Variants in DOCK4 observed in about 807,000 individuals in gnomAD.
DOCK4 encodes dedicator of cytokinesis protein 4.
Under a neutral mutation model 268.1 loss-of-function variants are expected in DOCK4, and 97 were observed. The observed-to-expected ratio is 0.36, with a 90% CI of 0.31 to 0.43. DOCK4 has a LOEUF of 0.43. DOCK4 is among the 20% of genes least tolerant of loss of function. The pLI is 1.00. For missense variants in DOCK4, 2,145 were observed against 2,455.7 expected, an observed-to-expected ratio of 0.87 and a Z score of 2.67; for synonymous variants, 954 against 887.2, an observed-to-expected ratio of 1.08 and a Z score of -1.34.
chr7:111,841,156 T>G (rs778055158), intron 25 of DOCK4, among the ~76,000 whole-genome samples: 45 of 73,344 alleles, frequency 6.1e-4, no homozygotes, highest in African/African-American at 2.0e-3. Context: ...TTCTCTGATT[T>G]ATTTATTTAT....
At chr7:111,952,093 GAA>G (rs201768009) in intron 8 of DOCK4, among the ~76,000 whole-genome samples, 3 of 107,572 alleles carry the variant, frequency 2.8e-5, no homozygotes, top group African/African-American at 3.5e-5. Flanking sequence ...CCCTGTCTGC[GAA>G]AAAAAAAAAA....
chr7:111,901,756 A>T lies in DOCK4; in HGVS notation c.1238T>A (p.Phe413Tyr), dbSNP rs1408188207. ...GGCCACGCTCTTCCCTCCTTTCTCA[A>T]ATTCTCCCCTTTCAATAGTGATATA... ...DLYITIERGEFEKGGKSVARN... is the reference protein window; with the variant it reads ...DLYITIERGEYEKGGKSVARN... Residue 413 changes from phenylalanine (F) to tyrosine (Y), a missense_variant, in exon 14 of 53, where the codon TTT (phenylalanine) becomes TAT (tyrosine). Around this residue, in one of 2 missense-constraint regions of DOCK4, gnomAD observed 1,598 missense variants for 1,986.7 expected, o/e 0.80. Transcript: ENST00000428084. 6 of 1,606,642 alleles carry T rather than the reference A, an allele frequency of 3.7e-6. 1 individual carries two copies. In the Admixed American group the frequency reaches 6.7e-5, roughly 18 times the overall value.
At chr7:111,920,795 C>G in intron 12 of DOCK4, among the ~76,000 whole-genome samples, 1 of 151,320 alleles carries the variant, frequency 6.6e-6, no homozygotes, top group African/African-American at 2.4e-5. Flanking sequence ...CAGAGAGAGA[C>G]AGAAAGAGAG....
chr7:111,944,975 A>G, intron 9 of DOCK4, 104 bp from the exon 10 acceptor site: 1 of 871,994 alleles, frequency 1.1e-6, no homozygotes, highest in Non-Finnish European at 1.9e-6. Context: ...GGACACAGAC[A>G]TTCTTAATGG....
intron 1 of DOCK4, among the ~76,000 whole-genome samples, chr7:112,199,489 G>A (rs1237760816): frequency 6.6e-6 from 1 of 151,988 alleles, no homozygotes; most frequent in African/African-American, 2.4e-5. Context: ...ATGTCATCTT[G>A]GCACAATTTT....
chr7:111,940,107 T>G lies in DOCK4; in HGVS notation c.977+3A>C. On this transcript the variant is annotated splice_donor_region_variant and intron_variant, in intron 11 of 52. Transcript: ENST00000428084. ...CAGCCATCACCACGTGCATGTTTCTTACATGTATACTTTCAGAATGAGGTC... is the reference window on the plus strand; with the variant it reads ...CAGCCATCACCACGTGCATGTTTCTGACATGTATACTTTCAGAATGAGGTC... 6.2e-7 allele frequency: 1 copy of G among 1,613,978 alleles called. No homozygotes were observed. The highest frequency in any genetic ancestry group is 8.5e-7 in the Non-Finnish European group (1 of 1,179,874).
At chr7:111,852,361 C>T (rs1804644762) in intron 23 of DOCK4, among the ~76,000 whole-genome samples, 1 of 152,150 alleles carries the variant, frequency 6.6e-6, no homozygotes, top group East Asian at 1.9e-4. Context: ...AAGGCACAGG[C>T]ATTCTATACA....
At chr7:111,882,289 T>C (rs757284349) in intron 16 of DOCK4, among the ~76,000 whole-genome samples, 4 of 152,128 alleles carry the variant, frequency 2.6e-5, no homozygotes, top group Non-Finnish European at 5.9e-5. Flanking sequence ...ACACAGAATA[T>C]CTGGATGATA....
intron 7 of DOCK4, 65 bp downstream of exon 7, chr7:111,984,241 T>C (rs1798863183): frequency 7.3e-7 from 1 of 1,377,590 alleles, no homozygotes; most frequent in East Asian, 2.4e-5. Context: ...CAAGCAAGTA[T>C]GAGGAGTGCC....
At chr7:112,157,391 G>A (rs949173912) in intron 1 of DOCK4, among the ~76,000 whole-genome samples, 1 of 152,042 alleles carries the variant, frequency 6.6e-6, no homozygotes, top group African/African-American at 2.4e-5. Flanking sequence ...ACCAGCTGTT[G>A]GCTTACTCTC....
chr7:112,121,968 A>T (rs1812771104), intron 1 of DOCK4, among the ~76,000 whole-genome samples: 1 of 152,222 alleles, frequency 6.6e-6, no homozygotes, highest in African/African-American at 2.4e-5. Flanking sequence ...TTCTATAAGT[A>T]TTTGATTTAC....
intron 1 of DOCK4, among the ~76,000 whole-genome samples, chr7:112,183,543 T>C (rs1249967133): frequency 6.6e-6 from 1 of 152,090 alleles, no homozygotes; most frequent in Admixed American, 6.5e-5. Flanking sequence ...TAAACCTGGG[T>C]TTCTCAAAAA....
intron 16 of DOCK4, among the ~76,000 whole-genome samples, chr7:111,882,144 A>G (rs1299456142): frequency 1.3e-5 from 2 of 152,224 alleles, no homozygotes; most frequent in African/African-American, 4.8e-5. Flanking sequence ...CCATGATGTG[A>G]TTATTATGCA....
At chr7:111,805,766 T>C (rs892975972) in intron 30 of DOCK4, among the ~76,000 whole-genome samples, 3 of 152,224 alleles carry the variant, frequency 2.0e-5, no homozygotes, top group African/African-American at 7.2e-5. Flanking sequence ...TTTAAAAGTA[T>C]TATCCAGCAA....
chr7:111,915,692 A>C, intron 13 of DOCK4, 87 bp downstream of exon 13: 2 of 1,460,800 alleles, frequency 1.4e-6, no homozygotes, highest in Non-Finnish European at 1.8e-6. Context: ...GAATGCTTCA[A>C]AGCTGGCAAT....
intron 36 of DOCK4, among the ~76,000 whole-genome samples, chr7:111,776,846 G>C (rs867454596): frequency 1.3e-5 from 2 of 151,780 alleles, no homozygotes; most frequent in South Asian, 4.2e-4. Context: ...TTTGAGACAG[G>C]GTCGGGCTCT....
intron 27 of DOCK4, chr7:111,820,771 CAT>C (rs1217184549): frequency 6.6e-6 from 1 of 152,196 alleles, no homozygotes; most frequent in Non-Finnish European, 1.5e-5. Context: ...TTCCTCTGCA[CAT>C]GAGTCAGGCA....
Position 111,968,607 on chromosome 7 carries a change from TG to T in DOCK4, c.701+8524del, listed in dbSNP as rs1447411853. The stretch of plus-strand genomic sequence containing the variant: ...AGAAATAGGAACACTTTTACACTGT[TG>T]GTGGGACTGTAAACTAGTTCAACCA... On this transcript the variant is annotated intron_variant, in intron 8 of 52. Coordinates refer to ENST00000428084, the MANE Select transcript of DOCK4 (RefSeq NM_001363540.2). Among the ~76,000 whole-genome samples, 2 of 112,710 alleles carry T rather than the reference TG, an allele frequency of 1.8e-5. 1 individual carries two copies. Among genetic ancestry groups the T allele is most frequent in the Non-Finnish European group, 3.4e-5 (2 of 58,688 alleles). The allele number at this position is 112,710 out of a possible 152,430, so 73.9% of individuals were successfully genotyped here. A position where few individuals can be genotyped will look rare whatever the true frequency, so the allele number is the denominator to read the frequency against.
intron 23 of DOCK4, 94 bp from the exon 24 acceptor site, chr7:111,847,220 C>G: frequency 6.7e-7 from 1 of 1,491,818 alleles, no homozygotes; most frequent in South Asian, 1.3e-5. Flanking sequence ...ATTTTGGTTG[C>G]TAAATTATTA....
Sources: gnomAD v4.1 joint callset for allele counts (sites outside exome capture counted in the v4.1 genomes callset) on GRCh38, gnomAD v4.1.1 for gene constraint, gnomAD v4.1.1 regional missense constraint, MANE v1.5 for transcripts, NCBI Gene and HGNC (gene_info 2026-07-23, HGNC 2026-07-21) for gene names.